HEMK2: variants seen among roughly 807,000 people sequenced by gnomAD.
The protein encoded by HEMK2 is HemK methyltransferase 2, ETF1 glutamine and histone H4 lysine.
chr21:28,601,310 T>A, the HEMK2 span, among the ~76,000 whole-genome samples: 1 of 152,184 alleles, frequency 6.6e-6, no homozygotes, highest in Non-Finnish European at 1.5e-5. Context: ...GCCAGTAGCA[T>A]CCTCACTGCA....
chr21:28,750,214 A>G, the HEMK2 span, among the ~76,000 whole-genome samples: 1 of 152,248 alleles, frequency 6.6e-6, no homozygotes. Flanking sequence ...ATCCTATAGA[A>G]TGAGATTTGA....
chr21:28,643,194 T>C, the HEMK2 span, among the ~76,000 whole-genome samples: 1 of 152,214 alleles, frequency 6.6e-6, no homozygotes, highest in Non-Finnish European at 1.5e-5. Context: ...TGCTCTGCAC[T>C]ATGGTCTGAA....
At chr21:28,813,988 A>C in the HEMK2 span, among the ~76,000 whole-genome samples, 2 of 152,210 alleles carry the variant, frequency 1.3e-5, no homozygotes, top group Admixed American at 6.5e-5. Flanking sequence ...TCTTAATCAC[A>C]GCACTTTGGG....
At chr21:28,633,232 C>T in the HEMK2 span, among the ~76,000 whole-genome samples, 2 of 152,114 alleles carry the variant, frequency 1.3e-5, no homozygotes, top group Non-Finnish European at 2.9e-5. Flanking sequence ...GAATGCAGTC[C>T]TCAGTTGTCA....
chr21:28,607,418 A>G, the HEMK2 span, among the ~76,000 whole-genome samples: 1 of 152,184 alleles, frequency 6.6e-6, no homozygotes, highest in Admixed American at 6.6e-5. Flanking sequence ...CTCAAAAAAA[A>G]AATTATTAAA....
chr21:28,852,820 A>C, the HEMK2 span, among the ~76,000 whole-genome samples: 1 of 152,196 alleles, frequency 6.6e-6, no homozygotes. Context: ...GTATCAATTT[A>C]ACTTCTAGGA....
the HEMK2 span, among the ~76,000 whole-genome samples, chr21:28,792,290 T>C: frequency 7.2e-5 from 11 of 152,324 alleles, no homozygotes; most frequent in African/African-American, 1.9e-4. Context: ...GTTCTGCCTA[T>C]GGAGTAGCCT....
chr21:28,659,771 T>G, the HEMK2 span, among the ~76,000 whole-genome samples: 2 of 152,078 alleles, frequency 1.3e-5, no homozygotes, highest in Non-Finnish European at 2.9e-5. Context: ...AACCTAGTTA[T>G]TCATCTTCAG....
chr21:28,845,858 T>C, the HEMK2 span, among the ~76,000 whole-genome samples: 1 of 152,124 alleles, frequency 6.6e-6, no homozygotes, highest in Non-Finnish European at 1.5e-5. Context: ...GTAAATTGTG[T>C]GTCATGGGGG....
At chr21:28,624,113 T>A in the HEMK2 span, among the ~76,000 whole-genome samples, 1 of 152,238 alleles carries the variant, frequency 6.6e-6, no homozygotes, top group Non-Finnish European at 1.5e-5. Flanking sequence ...AATTTTAATG[T>A]GTGTTCTGTT....
the HEMK2 span, among the ~76,000 whole-genome samples, chr21:28,860,731 T>A: frequency 6.6e-6 from 1 of 152,020 alleles, no homozygotes; most frequent in African/African-American, 2.4e-5. Context: ...AACAGAAATC[T>A]GGAGAACAGC....
At chr21:28,685,756 T>C in the HEMK2 span, among the ~76,000 whole-genome samples, 1 of 152,088 alleles carries the variant, frequency 6.6e-6, no homozygotes, top group Non-Finnish European at 1.5e-5. Flanking sequence ...ACTGTTGTTT[T>C]AAAGGGAGAA....
At chr21:28,838,972 AATATAT>A in the HEMK2 span, among the ~76,000 whole-genome samples, 286 of 29,138 alleles carry the variant, frequency 9.8e-3, 8 homozygotes, top group East Asian at 0.018. Context: ...AAAAAAAAAA[AATATAT>A]ATATATATAT....
the HEMK2 span, among the ~76,000 whole-genome samples, chr21:28,666,400 A>G: frequency 6.6e-6 from 1 of 152,238 alleles, no homozygotes. Flanking sequence ...TTAATACTAG[A>G]AAAGGAGTTT....
chr21:28,743,536 A>T, the HEMK2 span, among the ~76,000 whole-genome samples: 1 of 151,438 alleles, frequency 6.6e-6, no homozygotes, highest in Non-Finnish European at 1.5e-5. Flanking sequence ...GTAACAAGTC[A>T]TTGGGATGCA....
At chr21:28,649,344 G>A in the HEMK2 span, among the ~76,000 whole-genome samples, 2 of 152,150 alleles carry the variant, frequency 1.3e-5, no homozygotes, top group Admixed American at 6.5e-5. Context: ...CGTCTGACCC[G>A]ATTAAGAAAT....
the HEMK2 span, among the ~76,000 whole-genome samples, chr21:28,602,005 A>C: frequency 6.6e-6 from 1 of 152,206 alleles, no homozygotes; most frequent in Non-Finnish European, 1.5e-5. Context: ...CAACCATTTA[A>C]TTCATTGTAC....
the HEMK2 span, among the ~76,000 whole-genome samples, chr21:28,781,451 C>T: frequency 7.1e-6 from 1 of 140,162 alleles, no homozygotes; most frequent in Non-Finnish European, 1.5e-5. Flanking sequence ...CAGAGCTCCC[C>T]AAGATCACCC....
At chr21:28,654,232 C>T in the HEMK2 span, among the ~76,000 whole-genome samples, 1 of 152,106 alleles carries the variant, frequency 6.6e-6, no homozygotes, top group Admixed American at 6.6e-5. Context: ...AGTTATGGAT[C>T]GTGGGCCATA....
Sources: allele counts gnomAD v4.1 joint callset (sites outside exome capture counted in the v4.1 genomes callset), GRCh38; gene constraint gnomAD v4.1.1; transcripts MANE v1.5; gene names NCBI Gene and HGNC (gene_info 2026-07-23, HGNC 2026-07-21).